PRRC2C: variants seen among roughly 807,000 people sequenced by gnomAD.
PRRC2C encodes the protein proline rich coiled-coil 2C, also known as protein PRRC2C.
A neutral mutation model predicts 317.2 loss-of-function variants in PRRC2C; 72 were observed. The ratio of observed to expected loss-of-function variants is 0.23; its 90% CI spans 0.19 to 0.28. The LOEUF (loss-of-function observed/expected upper bound fraction) is 0.28, where lower values mean the gene tolerates loss of function less well. Ranked by LOEUF, PRRC2C falls within the 10% of genes least tolerant of loss-of-function variation. The pLI, the probability that PRRC2C is intolerant of heterozygous loss-of-function variation, is 1.00. For missense variants in PRRC2C, 3,074 were observed against 3,459.7 expected, an observed-to-expected ratio of 0.89 and a Z score of 2.80; for synonymous variants, 1,296 against 1,205.9, an observed-to-expected ratio of 1.07 and a Z score of -1.55.
chr1:171,568,130 A>G (rs970874898), intron 22 of PRRC2C, 117 bp from the exon 23 acceptor site: 3 of 1,341,774 alleles, frequency 2.2e-6, no homozygotes, highest in Non-Finnish European at 2.9e-6. Context: ...GGTTGCAGTG[A>G]GCTGAGATCA....
chr1:171,511,278 T>G (rs1285755956), intron 1 of PRRC2C: 1 of 152,164 alleles, frequency 6.6e-6, no homozygotes. Context: ...AGACATAATT[T>G]TTCTTTTTTG....
intron 25 of PRRC2C, among the ~76,000 whole-genome samples, chr1:171,576,382 A>G (rs1253366389): frequency 6.6e-6 from 1 of 152,144 alleles, no homozygotes; most frequent in Non-Finnish European, 1.5e-5. Context: ...TAGTCATCCT[A>G]CTGGTAGATG....
At chr1:171,578,939 T>C (rs1647864347) in intron 26 of PRRC2C, among the ~76,000 whole-genome samples, 1 of 152,342 alleles carries the variant, frequency 6.6e-6, no homozygotes, top group South Asian at 2.1e-4. Flanking sequence ...GTTTAAAATT[T>C]ATACCAAACT....
At chr1:171,520,074 C>T (rs911199075) in intron 6 of PRRC2C, among the ~76,000 whole-genome samples, 4 of 152,100 alleles carry the variant, frequency 2.6e-5, no homozygotes, top group Non-Finnish European at 5.9e-5. Flanking sequence ...GCGATTCTCC[C>T]GCCTCAACCT....
At chr1:171,578,885 A>C (rs1647851457) in intron 26 of PRRC2C, among the ~76,000 whole-genome samples, 1 of 152,188 alleles carries the variant, frequency 6.6e-6, no homozygotes, top group Non-Finnish European at 1.5e-5. Flanking sequence ...AAAACAAAAA[A>C]AAACAGCAAG....
chr1:171,579,711 C>A, intron 27 of PRRC2C, 117 bp from the exon 28 acceptor site: 1 of 1,309,460 alleles, frequency 7.6e-7, no homozygotes. Context: ...TAAAATGGAG[C>A]TGATATATAG....
At chr1:171,513,254 G>C in intron 3 of PRRC2C, 82 bp downstream of exon 3, 5 of 1,329,700 alleles carry the variant, frequency 3.8e-6, no homozygotes, top group Non-Finnish European at 5.2e-6. Context: ...TATTTGCTAA[G>C]TGTTATGCTG....
At chr1:171,570,111 T>C (rs1447077224) in intron 23 of PRRC2C, among the ~76,000 whole-genome samples, 1 of 152,184 alleles carries the variant, frequency 6.6e-6, no homozygotes. Context: ...GGGAGCATTA[T>C]AAATGGTCAT....
In PRRC2C at chr1:171,542,081, G is replaced by A. The variant is rs750454426; in HGVS notation, c.4615G>A (p.Glu1539Lys). 6.2e-7 allele frequency: 1 copy of A among 1,613,970 alleles called. No homozygotes were observed. The highest frequency in any genetic ancestry group is 1.1e-5 in the South Asian group (1 of 91,082). ...VGENVLPPKR[E>K]IAKRSFSSQR... ...AGAGAATGTTCTACCTCCAAAGAGGGAAATTGCAAAGAGAAGTTTTTCTAG... is the reference window on the plus strand; with the variant it reads ...AGAGAATGTTCTACCTCCAAAGAGGAAAATTGCAAAGAGAAGTTTTTCTAG... Residue 1539 changes from glutamate to lysine, a missense_variant, in exon 16 of 35, where the codon GAA (glutamate) becomes AAA (lysine). Around this residue, in one of 11 missense-constraint regions of PRRC2C, gnomAD observed 178 missense variants for 163.0 expected, o/e 1.09. Transcript: ENST00000647382.
chr1:171,586,261 T>TTA (rs1649940271), intron 30 of PRRC2C, among the ~76,000 whole-genome samples: 2 of 147,808 alleles, frequency 1.4e-5, no homozygotes, highest in African/African-American at 5.1e-5. Context: ...ATTTATTTAT[T>TTA]TTTTTTTTTA....
chr1:171,578,737 G>A (rs756287777), intron 26 of PRRC2C, among the ~76,000 whole-genome samples: 5 of 152,038 alleles, frequency 3.3e-5, no homozygotes, highest in Admixed American at 6.6e-5. Flanking sequence ...GCGTGGTGGC[G>A]CACACTCAGC....
intron 28 of PRRC2C, among the ~76,000 whole-genome samples, chr1:171,582,473 T>C (rs1648850437): frequency 6.6e-6 from 1 of 152,196 alleles, no homozygotes; most frequent in African/African-American, 2.4e-5. Context: ...ATGCATCCTT[T>C]TTCAAACATC....
intron 20 of PRRC2C, among the ~76,000 whole-genome samples, chr1:171,565,216 C>G (rs1361501301): frequency 2.6e-5 from 4 of 152,152 alleles, no homozygotes; most frequent in African/African-American, 9.7e-5. Flanking sequence ...TGTGGTCTCC[C>G]TAAACTCTTT....
intron 23 of PRRC2C, among the ~76,000 whole-genome samples, chr1:171,571,114 A>AT (rs1684711159): frequency 6.6e-6 from 1 of 152,244 alleles, no homozygotes; most frequent in African/African-American, 2.4e-5. Context: ...AAAAAGGCAG[A>AT]TAATAATTTC....
rs1245677346 is a variant in PRRC2C at position 171,585,581 on chromosome 1, TCA to T, written c.7749+1056_7749+1057del. On this transcript the variant is annotated intron_variant, in intron 30 of 34. Coordinates refer to ENST00000647382, the MANE Select transcript of PRRC2C (RefSeq NM_001387844.1). ...GAAAACTGAGAGATTCTTGTTCTTCTCATAGCTCATTTTGACCAGCCTTGAAA... is the reference window on the plus strand; with the variant it reads ...GAAAACTGAGAGATTCTTGTTCTTCTTAGCTCATTTTGACCAGCCTTGAAA... 5.5e-3 allele frequency among the ~76,000 whole-genome samples: 844 copies of T among 152,350 alleles called. 9 individuals carry two copies. Among genetic ancestry groups the T allele is most frequent in the Non-Finnish European group, 9.2e-3 (624 of 68,034 alleles).
intron 4 of PRRC2C, 97 bp from the exon 5 acceptor site, chr1:171,515,637 T>G: frequency 9.5e-7 from 1 of 1,050,708 alleles, no homozygotes; most frequent in Non-Finnish European, 1.3e-6. Context: ...GTGGAATAAT[T>G]TAAGAGAAAG....
At chr1:171,559,514 T>TG (rs1183551047) in intron 19 of PRRC2C, among the ~76,000 whole-genome samples, 5 of 19,270 alleles carry the variant, frequency 2.6e-4, no homozygotes, top group Admixed American at 4.9e-4. Flanking sequence ...AGTTTGTTTT[T>TG]TTTTTTTTTT....
intron 1 of PRRC2C, among the ~76,000 whole-genome samples, chr1:171,503,785 C>CA (rs1330093366): frequency 3.3e-5 from 5 of 152,164 alleles, no homozygotes; most frequent in Non-Finnish European, 5.9e-5. Flanking sequence ...TTAATTGACT[C>CA]ACAGTTCCAC....
chr1:171,531,608 A>T (rs1322757513), intron 11 of PRRC2C, among the ~76,000 whole-genome samples: 1 of 152,158 alleles, frequency 6.6e-6, no homozygotes, highest in Non-Finnish European at 1.5e-5. Context: ...TGTTAAAAAC[A>T]TTTTTTTAAT....
Sources: gnomAD v4.1 joint callset for allele counts (sites outside exome capture counted in the v4.1 genomes callset) on GRCh38, gnomAD v4.1.1 for gene constraint, gnomAD v4.1.1 regional missense constraint, MANE v1.5 for transcripts, NCBI Gene and HGNC (gene_info 2026-07-23, HGNC 2026-07-21) for gene names.